The following CMSS1 variants were observed in gnomAD, a reference collection of about 807,000 sequenced individuals.
The protein encoded by CMSS1 is protein CMSS1.
CMSS1 carries 33 observed loss-of-function variants against 43.5 expected under a neutral mutation model. That is an observed-to-expected ratio of 0.76 (90% CI 0.57 to 1.01). The LOEUF is 1.01. Ranked by LOEUF, CMSS1 falls within the 50% of genes least tolerant of loss-of-function variation. The probability of loss-of-function intolerance (pLI) is 0.00; values close to 1 mark genes in which losing one functional copy is unlikely to be tolerated. For missense variants in CMSS1, 313 were observed against 326.4 expected, an observed-to-expected ratio of 0.96 and a Z score of 0.32; for synonymous variants, 115 against 117.2, an observed-to-expected ratio of 0.98 and a Z score of 0.12.
chr3:99,917,407 T>G (rs2107646393), intron 1 of CMSS1, among the ~76,000 whole-genome samples: 1 of 152,342 alleles, frequency 6.6e-6, no homozygotes, highest in Admixed American at 6.5e-5. Flanking sequence ...TACCTAGGAA[T>G]GATTCTAGGG....
At chr3:99,851,040 C>G in intron 1 of CMSS1, 1 of 1,594,754 alleles carries the variant, frequency 6.3e-7, no homozygotes, top group Non-Finnish European at 8.5e-7. Flanking sequence ...CCTCCTGAGA[C>G]TTGATTTCTT....
At chr3:100,016,596 G>A (rs1383266612) in intron 1 of CMSS1, among the ~76,000 whole-genome samples, 3 of 152,124 alleles carry the variant, frequency 2.0e-5, no homozygotes, top group Non-Finnish European at 4.4e-5. Context: ...AATCTTCTGT[G>A]ACCTTGAAAC....
chr3:100,163,604 G>A (rs1035275262), intron 4 of CMSS1, among the ~76,000 whole-genome samples: 13 of 152,086 alleles, frequency 8.5e-5, no homozygotes, highest in Admixed American at 5.2e-4. Context: ...TGGCACCATC[G>A]TAGTTCACTG....
chr3:100,107,259 A>G (rs1263035514), intron 1 of CMSS1, among the ~76,000 whole-genome samples: 2 of 152,210 alleles, frequency 1.3e-5, no homozygotes, highest in Non-Finnish European at 2.9e-5. Flanking sequence ...TAATAATAGA[A>G]TTCTATGCTG....
intron 1 of CMSS1, chr3:99,876,298 C>T (rs1485557154): frequency 3.9e-6 from 3 of 774,288 alleles, no homozygotes; most frequent in Non-Finnish European, 3.1e-6. Flanking sequence ...GCCGCGGCGG[C>T]GGCGCAGCCA....
chr3:99,968,452 G>C (rs996347576), intron 1 of CMSS1, among the ~76,000 whole-genome samples: 8 of 151,338 alleles, frequency 5.3e-5, no homozygotes, highest in Admixed American at 3.9e-4. Flanking sequence ...AAGACTGAAT[G>C]ATATGTTGGG....
At chr3:99,939,379 C>A (rs1189675378) in intron 1 of CMSS1, among the ~76,000 whole-genome samples, 1 of 152,174 alleles carries the variant, frequency 6.6e-6, no homozygotes, top group Non-Finnish European at 1.5e-5. Flanking sequence ...ACAGTGTAGT[C>A]CTTTAACCGA....
At chr3:99,964,428 T>G (rs931390621) in intron 1 of CMSS1, 1 of 152,024 alleles carries the variant, frequency 6.6e-6, no homozygotes, top group African/African-American at 2.4e-5. Context: ...TTAAACAGGA[T>G]CAAGGCCAAA....
At chr3:99,859,342 G>A (rs1191385601) in intron 1 of CMSS1, among the ~76,000 whole-genome samples, 3 of 152,208 alleles carry the variant, frequency 2.0e-5, no homozygotes, top group Non-Finnish European at 4.4e-5. Flanking sequence ...TATTCTCCCA[G>A]TAACAACCAA....
intron 1 of CMSS1, among the ~76,000 whole-genome samples, chr3:100,063,978 G>A (rs532823006): frequency 1.3e-5 from 2 of 152,330 alleles, no homozygotes; most frequent in South Asian, 4.1e-4. Context: ...TGCCAGTACT[G>A]AATGTTCACA....
chr3:100,031,412 A>G (rs1311836882), intron 1 of CMSS1, among the ~76,000 whole-genome samples: 1 of 152,054 alleles, frequency 6.6e-6, no homozygotes, highest in Non-Finnish European at 1.5e-5. Flanking sequence ...AAGTGGAGTG[A>G]GGAAGGAGTT....
intron 1 of CMSS1, among the ~76,000 whole-genome samples, chr3:99,981,949 G>T (rs1410769850): frequency 1.3e-5 from 2 of 152,156 alleles, no homozygotes; most frequent in Non-Finnish European, 2.9e-5. Context: ...AACATAGTGA[G>T]ATCCTGCCTC....
At chr3:100,139,604 T>G (rs1303581173) in intron 1 of CMSS1, among the ~76,000 whole-genome samples, 2 of 47,470 alleles carry the variant, frequency 4.2e-5, no homozygotes, top group East Asian at 5.3e-4. Context: ...TGTGTATATA[T>G]GTGTGTGTGT....
At chr3:100,153,364 CAG>C (rs2066939172) in intron 2 of CMSS1, among the ~76,000 whole-genome samples, 1 of 152,246 alleles carries the variant, frequency 6.6e-6, no homozygotes, top group South Asian at 2.1e-4. Flanking sequence ...TCCTCCATGT[CAG>C]TGTATAGTAT....
chr3:100,043,338 T>A (rs2065234326), intron 1 of CMSS1, among the ~76,000 whole-genome samples: 1 of 152,250 alleles, frequency 6.6e-6, no homozygotes. Flanking sequence ...AAAGTCTCTC[T>A]GTCTCTGTTC....
At chr3:99,891,243 G>A (rs1706073562) in intron 1 of CMSS1, among the ~76,000 whole-genome samples, 2 of 151,788 alleles carry the variant, frequency 1.3e-5, no homozygotes, top group Admixed American at 6.6e-5. Context: ...CTTTCGTCTG[G>A]GTAATGTGGG....
At chr3:99,974,207 T>A (rs954744212) in intron 1 of CMSS1, among the ~76,000 whole-genome samples, 2 of 152,254 alleles carry the variant, frequency 1.3e-5, no homozygotes, top group Admixed American at 1.3e-4. Context: ...CAATTTATCA[T>A]TGAAGGACTT....
intron 1 of CMSS1, among the ~76,000 whole-genome samples, chr3:99,895,647 G>A (rs762998836): frequency 1.3e-5 from 2 of 152,132 alleles, no homozygotes; most frequent in East Asian, 1.9e-4. Flanking sequence ...AGTGCAGATC[G>A]AAATAAACAT....
intron 1 of CMSS1, among the ~76,000 whole-genome samples, chr3:99,908,293 C>T (rs1187256744): frequency 6.6e-6 from 1 of 152,208 alleles, no homozygotes; most frequent in African/African-American, 2.4e-5. Context: ...AAAAGAGATG[C>T]TATTTTCTAT....
Sources: allele counts gnomAD v4.1 joint callset (sites outside exome capture counted in the v4.1 genomes callset), GRCh38; gene constraint gnomAD v4.1.1; transcripts MANE v1.5; gene names NCBI Gene and HGNC (gene_info 2026-07-23, HGNC 2026-07-21).